EMC1: variants seen among roughly 807,000 people sequenced by gnomAD.
EMC1 encodes ER membrane protein complex subunit 1.
A neutral mutation model predicts 128.8 loss-of-function variants in EMC1; 103 were observed. The observed-to-expected ratio is 0.80, with a 90% CI of 0.68 to 0.94. The LOEUF (loss-of-function observed/expected upper bound fraction) is 0.94. Ranked by LOEUF, EMC1 falls within the 40% of genes least tolerant of loss-of-function variation. The probability of loss-of-function intolerance (pLI) is 0.00; values close to 1 mark genes in which losing one functional copy is unlikely to be tolerated. For synonymous variants in EMC1, 442 were observed against 490.4 expected, an observed-to-expected ratio of 0.90 and a Z score of 1.30; for missense variants, 1,083 against 1,250.6, an observed-to-expected ratio of 0.87 and a Z score of 2.02.
intron 18 of EMC1, among the ~76,000 whole-genome samples, chr1:19,224,028 C>A (rs1330854962): frequency 1.3e-5 from 2 of 152,206 alleles, no homozygotes; most frequent in Non-Finnish European, 2.9e-5. Flanking sequence ...CCCACTAGTA[C>A]CACGTGACGC....
At position 19,219,700 on chromosome 1, in the gene EMC1, T is replaced by C. The variant is rs1426629273; in HGVS notation, c.2673-2A>G. The C allele has an allele frequency of 1.2e-6, 2 of 1,614,078 alleles. No homozygotes were observed. The highest frequency in any genetic ancestry group is 1.7e-5 in the Admixed American group (1 of 60,010). On this transcript the variant is annotated splice_acceptor_variant, in intron 21 of 22. Coordinates refer to ENST00000477853, the MANE Select transcript of EMC1 (RefSeq NM_015047.3). LOFTEE classifies it high-confidence loss of function. ...GAATACGGGATTAAGTTCTCCTCTC[T>C]GCAAAACACCAGCCGGGACAGGCAG...
At position 19,219,357 on chromosome 1, in the gene EMC1, G is replaced by A. The variant is rs745499462; in HGVS notation, c.2928C>T (p.Thr976=). 1 of 1,614,070 alleles carries A rather than the reference G, an allele frequency of 6.2e-7. No individual in the cohort carries two copies. The highest frequency in any genetic ancestry group is 8.5e-7 in the Non-Finnish European group (1 of 1,180,028). ...SSVLFGLVFA[T]MITKRLAQVK... ...CCTGTGCCAGTCTCTTAGTGATCAT[G>A]GTGGCAAAAACCAGGCCAAAGAGGA... The change falls in exon 23 of 23, where the codon ACC becomes ACT. Residue 976 remains threonine (T), a synonymous_variant. Transcript: ENST00000477853.
At chr1:19,230,519 G>A (rs995692561) in intron 17 of EMC1, among the ~76,000 whole-genome samples, 5 of 152,110 alleles carry the variant, frequency 3.3e-5, no homozygotes, top group East Asian at 1.9e-4. Context: ...GCAGTGAGCC[G>A]AGATCGCACC....
In EMC1 at chr1:19,235,126, A is replaced by G; in HGVS notation, c.1432+4T>C. 1.2e-6 allele frequency: 2 copies of G among 1,613,498 alleles called. No homozygotes were observed. The highest frequency in any genetic ancestry group is 1.7e-6 in the Non-Finnish European group (2 of 1,179,666). ...TCTGCAGCTCCAACCTCTTAGGTTC[A>G]TACCTGCCTTTTTGCCAAATTCTCC... On this transcript the variant is annotated splice_donor_region_variant and intron_variant, in intron 13 of 22. Coordinates refer to ENST00000477853, the MANE Select transcript of EMC1 (RefSeq NM_015047.3).
chr1:19,237,284 G>T, intron 11 of EMC1, 46 bp from the exon 12 acceptor site: 1 of 1,361,260 alleles, frequency 7.3e-7, no homozygotes, highest in Non-Finnish European at 1.1e-6. Flanking sequence ...GGATCCAAAT[G>T]CCTCTGAGAG....
rs1401973852 is a variant in EMC1 at position 19,219,271 on chromosome 1, G to C, written c.*32C>G. On this transcript the variant is annotated 3_prime_UTR_variant, in exon 23 of 23. Transcript: ENST00000477853. ...CTGCTTATCTGACCCACACTCCCCT[G>C]GCTCTCCACTTTTAGGCACAGTCTT... 6.2e-7 allele frequency: 1 copy of C among 1,611,348 alleles called. No homozygotes were observed. Among genetic ancestry groups the C allele is most frequent in the South Asian group, 1.1e-5 (1 of 90,930 alleles).
chr1:19,224,572 T>C (rs895301220), intron 18 of EMC1, among the ~76,000 whole-genome samples: 1 of 152,162 alleles, frequency 6.6e-6, no homozygotes, highest in African/African-American at 2.4e-5. Flanking sequence ...TGATCCCTCC[T>C]TCCCACCTCC....
At chr1:19,227,284 C>G in intron 18 of EMC1, 29 bp downstream of exon 18, 2 of 1,613,538 alleles carry the variant, frequency 1.2e-6, no homozygotes, top group Non-Finnish European at 1.7e-6. Flanking sequence ...AAAGCCCTTG[C>G]TGTAGACCAG....
At chr1:19,234,854 GA>G (rs113797552) in intron 13 of EMC1, among the ~76,000 whole-genome samples, 5,823 of 140,220 alleles carry the variant, frequency 0.042, 346 homozygotes, top group African/African-American at 0.14. Context: ...CTCAAAAAAA[GA>G]AAAAAAAAAA....
intron 16 of EMC1, 118 bp from the exon 17 acceptor site, chr1:19,231,081 C>A: frequency 7.1e-7 from 1 of 1,412,114 alleles, no homozygotes; most frequent in South Asian, 1.3e-5. Context: ...ACATTCAGTT[C>A]TGTTAAGAAC....
chr1:19,235,239 C>T lies in EMC1; in HGVS notation c.1323G>A (p.Val441=). The change falls in exon 13 of 23, where the codon GTG becomes GTA. Residue 441 remains valine, a synonymous_variant. Coordinates refer to ENST00000477853, the MANE Select transcript of EMC1 (RefSeq NM_015047.3). ...CCAGGGACTCCTCACGGCTCCACAG[C>T]ACCACCTTCCCTGCTACAGGAAACA... The part of the protein sequence containing the change: ...LFLQQLAGKV[V]LWSREESLAE... 1 of 1,612,750 alleles carries T rather than the reference C, an allele frequency of 6.2e-7. No individual in the cohort carries two copies. The highest frequency in any genetic ancestry group is 8.5e-7 in the Non-Finnish European group (1 of 1,179,280).
In EMC1 at chr1:19,216,639, C is replaced by T. The variant is rs1441337809; in HGVS notation, c.*2664G>A. 1 of 152,154 alleles carries T rather than the reference C, an allele frequency of 6.6e-6. No individual in the cohort carries two copies. Among genetic ancestry groups the T allele is most frequent in the Non-Finnish European group, 1.5e-5 (1 of 68,008 alleles). 9.4% of individuals were successfully genotyped at this position (152,154 alleles called of 1,614,324 possible). On this transcript the variant is annotated 3_prime_UTR_variant, in exon 23 of 23. Coordinates refer to ENST00000477853, the MANE Select transcript of EMC1 (RefSeq NM_015047.3). ...AGAAAACACTGTATACAAGAACAAA[C>T]ACTAGACTACCAGTGCTCATATACG...
chr1:19,233,913 A>C (rs2093543340), intron 13 of EMC1, among the ~76,000 whole-genome samples: 1 of 152,214 alleles, frequency 6.6e-6, no homozygotes, highest in Non-Finnish European at 1.5e-5. Context: ...TACGATGTAC[A>C]TAAAGGATTT....
chr1:19,242,011 C>G (rs1395991774), intron 5 of EMC1, among the ~76,000 whole-genome samples: 1 of 152,158 alleles, frequency 6.6e-6, no homozygotes, highest in African/African-American at 2.4e-5. Flanking sequence ...GAACGAAAGG[C>G]TCAGTCAGAA....
chr1:19,224,006 C>G (rs1184168258), intron 18 of EMC1, among the ~76,000 whole-genome samples: 1 of 152,218 alleles, frequency 6.6e-6, no homozygotes, highest in East Asian at 1.9e-4. Flanking sequence ...TCTTGGCCCT[C>G]AACTTACTTG....
chr1:19,235,166 G>A lies in EMC1; in HGVS notation c.1396C>T (p.Gln466Ter). The part of the protein sequence containing the change: ...EMVDLPLTGA[Q>*]AELEGEFGKK... ...CCAAATTCTCCTTCCAGCTCGGCCTGTGCCCCAGTCAGGGGGAGGTCCACC... is the reference window on the plus strand; with the variant it reads ...CCAAATTCTCCTTCCAGCTCGGCCTATGCCCCAGTCAGGGGGAGGTCCACC... The change falls in exon 13 of 23, where the codon CAG becomes TAG. Residue 466 changes from glutamine (Q) to a stop codon, truncating the protein, a stop_gained. Transcript: ENST00000477853. LOFTEE classifies it high-confidence loss of function. The A allele has an allele frequency of 1.2e-6, 2 of 1,614,026 alleles. No individual in the cohort carries two copies. The highest frequency in any genetic ancestry group is 4.5e-5 in the East Asian group (2 of 44,852).
rs1209835718 is a variant in EMC1 at position 19,220,816 on chromosome 1, G to T, written c.2620C>A (p.Pro874Thr). The T allele has an allele frequency of 1.2e-6, 2 of 1,613,878 alleles. No individual in the cohort carries two copies. Among genetic ancestry groups the T allele is most frequent in the Non-Finnish European group, 1.7e-6 (2 of 1,179,940 alleles). Reference protein sequence around the residue: ...GLPSGAILSLPKALLDPRRPE... With the variant: ...GLPSGAILSLTKALLDPRRPE... ...CGGCGGGGATCCAGCAAAGCCTTAG[G>T]AAGGGAAAGAATTGCTCCAGAAGGT... Residue 874 changes from proline (P) to threonine (T), a missense_variant, in exon 21 of 23, where the codon CCT becomes ACT. Physicochemically the swap from Pro to Thr is conservative, Grantham distance 38. This residue lies in a region of EMC1 where 527 missense variants were observed against 644.1 expected (regional missense o/e 0.82). Coordinates refer to ENST00000477853, the MANE Select transcript of EMC1 (RefSeq NM_015047.3).
chr1:19,243,220 G>A (rs997239213), intron 4 of EMC1, among the ~76,000 whole-genome samples: 1 of 152,134 alleles, frequency 6.6e-6, no homozygotes, highest in African/African-American at 2.4e-5. Flanking sequence ...GGGTGACAGA[G>A]TGAAACTATG....
chr1:19,234,173 G>A, intron 13 of EMC1: 2 of 985,182 alleles, frequency 2.0e-6, no homozygotes, highest in Non-Finnish European at 1.2e-6. Flanking sequence ...CAAGAAGCAG[G>A]TTTTACCTTG....
Sources: allele counts gnomAD v4.1 joint callset (sites outside exome capture counted in the v4.1 genomes callset), GRCh38; gene constraint gnomAD v4.1.1; regional missense constraint gnomAD v4.1.1; transcripts MANE v1.5; gene names NCBI Gene and HGNC (gene_info 2026-07-23, HGNC 2026-07-21).